The following CCT4 variants were observed in gnomAD, a reference collection of about 807,000 sequenced individuals.
CCT4 encodes chaperonin containing TCP1 subunit 4.
Under a neutral mutation model 62.5 loss-of-function variants are expected in CCT4, and 17 were observed. That is an observed-to-expected ratio of 0.27 (90% confidence interval 0.19 to 0.41). CCT4 has a LOEUF of 0.41. Ranked by LOEUF, CCT4 falls within the 10% of genes least tolerant of loss-of-function variation. CCT4 has a pLI of 1.00. For synonymous variants in CCT4, 250 were observed against 229.9 expected, an observed-to-expected ratio of 1.09 and a Z score of -0.79; for missense variants, 592 against 659.2, an observed-to-expected ratio of 0.90 and a Z score of 1.12.
At position 61,877,438 on chromosome 2, in the gene CCT4, G is replaced by A. The variant is rs1230113885; in HGVS notation, c.599C>T (p.Ala200Val). 11 of 1,611,224 alleles carry A rather than the reference G, an allele frequency of 6.8e-6. No individual in the cohort carries two copies. The highest frequency in any genetic ancestry group is 9.3e-6 in the Non-Finnish European group (11 of 1,178,004). The change falls in exon 6 of 14, where the codon GCC (alanine) becomes GTC (valine). Residue 200 changes from alanine (A) to valine (V), a missense_variant. Ala to Val is a moderately conservative substitution (Grantham distance 64). This residue lies in a region of CCT4 where 522 missense variants were observed against 571.2 expected (regional missense o/e 0.91). Transcript: ENST00000394440. ...AATATCTCTAAGATCTACACTGGTGGCTGTGGCTGGGTCAATCACTTTCAT... is the reference window on the plus strand; with the variant it reads ...AATATCTCTAAGATCTACACTGGTGACTGTGGCTGGGTCAATCACTTTCAT... ...AVMKVIDPAT[A>V]TSVDLRDIKI...
At position 61,869,430 on chromosome 2, in the gene CCT4, A is replaced by T; in HGVS notation, c.1605+10T>A. 1.3e-6 allele frequency: 2 copies of T among 1,527,590 alleles called. No homozygotes were observed. The highest frequency in any genetic ancestry group is 1.8e-6 in the Non-Finnish European group (2 of 1,101,946). The allele number at this position is 1,527,590 out of a possible 1,614,324, so 94.6% of individuals were successfully genotyped here. A position where few individuals can be genotyped will look rare whatever the true frequency, so the allele number is the denominator to read the frequency against. On this transcript the variant is annotated intron_variant, in intron 13 of 13. Transcript: ENST00000394440. The stretch of plus-strand genomic sequence containing the variant: ...CCTCCTAAGAAAATTTGCAACCTGG[A>T]AACACTTACCACATCATCTATTTTC...
At position 61,880,316 on chromosome 2, in the gene CCT4, A is replaced by G. The variant is rs1187927676; in HGVS notation, c.349T>C (p.Leu117=). Residue 117 remains leucine, a synonymous_variant, in exon 4 of 14, where the codon TTA becomes CTA. Transcript: ENST00000394440. ...TGAAGAAGCTTGGTACAAGAATCTA[A>G]GAGGGAGCCAGCAATGATGACTACT... ...TSVVIIAGSL[L]DSCTKLLQKG... 1.4e-5 allele frequency: 23 copies of G among 1,601,458 alleles called. No homozygotes were observed. The highest frequency in any genetic ancestry group is 2.0e-5 in the Non-Finnish European group (23 of 1,174,456).
At chr2:61,869,374 A>G in intron 13 of CCT4, 66 bp downstream of exon 13, 5 of 911,726 alleles carry the variant, frequency 5.5e-6, no homozygotes, top group Non-Finnish European at 8.9e-6. Flanking sequence ...AACAACAACA[A>G]AAAACCTTTA....
intron 4 of CCT4, among the ~76,000 whole-genome samples, chr2:61,879,880 G>A (rs1230297485): frequency 6.6e-6 from 1 of 151,874 alleles, no homozygotes; most frequent in Non-Finnish European, 1.5e-5. Context: ...ACAGGCACGC[G>A]CCACCATGCC....
chr2:61,880,024 G>T (rs1375613576), intron 4 of CCT4, among the ~76,000 whole-genome samples: 1 of 152,038 alleles, frequency 6.6e-6, no homozygotes, highest in Non-Finnish European at 1.5e-5. Flanking sequence ...CACCACGCCC[G>T]GCCTCTACCA....
At chr2:61,876,551 C>T (rs887660934) in intron 7 of CCT4, among the ~76,000 whole-genome samples, 6 of 152,102 alleles carry the variant, frequency 3.9e-5, no homozygotes, top group African/African-American at 9.7e-5. Context: ...AAATTAACAG[C>T]AACAGTGAAA....
At chr2:61,877,201 A>G in intron 6 of CCT4, 149 bp from the exon 7 acceptor site, 2 of 889,232 alleles carry the variant, frequency 2.2e-6, no homozygotes, top group Non-Finnish European at 3.4e-6. Flanking sequence ...TCTTTGATCC[A>G]CTGCTGCCTT....
chr2:61,881,881 A>T (rs199594055), intron 3 of CCT4, among the ~76,000 whole-genome samples: 1 of 151,282 alleles, frequency 6.6e-6, no homozygotes, highest in Non-Finnish European at 1.5e-5. Flanking sequence ...AAAAAAAAAA[A>T]ATTTTTTAAA....
At chr2:61,883,149 C>T (rs982111925) in intron 3 of CCT4, among the ~76,000 whole-genome samples, 6 of 152,076 alleles carry the variant, frequency 3.9e-5, no homozygotes, top group Admixed American at 3.9e-4. Flanking sequence ...TCTGGCCGGG[C>T]GCAGTAGCTC....
chr2:61,877,091 G>C, intron 6 of CCT4, 39 bp from the exon 7 acceptor site: 1 of 1,579,664 alleles, frequency 6.3e-7, no homozygotes, highest in Non-Finnish European at 8.7e-7. Flanking sequence ...AGTTAAGAGG[G>C]AGTGGACATC....
intron 3 of CCT4, among the ~76,000 whole-genome samples, chr2:61,882,418 C>T (rs1280453174): frequency 6.6e-6 from 1 of 152,056 alleles, no homozygotes; most frequent in Admixed American, 6.6e-5. Flanking sequence ...CTTCTGTGGA[C>T]ACATGAACTG....
chr2:61,871,349 G>A (rs770285730), intron 12 of CCT4, among the ~76,000 whole-genome samples: 2 of 151,950 alleles, frequency 1.3e-5, no homozygotes, highest in Non-Finnish European at 2.9e-5. Context: ...ATTAATAATA[G>A]CTTTTATCTG....
At chr2:61,869,878 C>T (rs1458465344) in intron 12 of CCT4, among the ~76,000 whole-genome samples, 11 of 150,672 alleles carry the variant, frequency 7.3e-5, no homozygotes, top group South Asian at 2.1e-4. Context: ...ATGATCTGCC[C>T]GCCTTGGCCT....
At chr2:61,871,438 C>G (rs1405644155) in intron 12 of CCT4, among the ~76,000 whole-genome samples, 1 of 152,124 alleles carries the variant, frequency 6.6e-6, no homozygotes, top group Non-Finnish European at 1.5e-5. Flanking sequence ...CTTGGTCCTT[C>G]TCACCTGTAA....
chr2:61,884,104 T>C (rs1033199527), intron 2 of CCT4, among the ~76,000 whole-genome samples: 5 of 152,102 alleles, frequency 3.3e-5, no homozygotes, highest in Non-Finnish European at 5.9e-5. Flanking sequence ...AGATACAAAG[T>C]TACATCCATA....
At chr2:61,873,877 T>C (rs534078614) in intron 8 of CCT4, among the ~76,000 whole-genome samples, 8 of 152,020 alleles carry the variant, frequency 5.3e-5, no homozygotes, top group South Asian at 2.1e-4. Context: ...ATTTATTTAT[T>C]TTTAATAGAG....
At chr2:61,871,000 A>C (rs1009139507) in intron 12 of CCT4, among the ~76,000 whole-genome samples, 3 of 152,060 alleles carry the variant, frequency 2.0e-5, no homozygotes, top group Non-Finnish European at 4.4e-5. Context: ...TGGCTGGCTC[A>C]ATAATCAGGG....
intron 13 of CCT4, 34 bp downstream of exon 13, chr2:61,869,406 C>A: frequency 8.5e-7 from 1 of 1,172,994 alleles, no homozygotes; most frequent in Admixed American, 1.8e-5. Flanking sequence ...CCTTTTTGAC[C>A]TCCTAAGAAA....
intron 1 of CCT4, among the ~76,000 whole-genome samples, chr2:61,885,557 C>A (rs1222804139): frequency 1.3e-5 from 2 of 151,974 alleles, no homozygotes; most frequent in Non-Finnish European, 2.9e-5. Flanking sequence ...ACTACAGGCA[C>A]GTGCCACCAC....
Sources: gnomAD v4.1 joint callset for allele counts (sites outside exome capture counted in the v4.1 genomes callset) on GRCh38, gnomAD v4.1.1 for gene constraint, gnomAD v4.1.1 regional missense constraint, MANE v1.5 for transcripts, NCBI Gene and HGNC (gene_info 2026-07-23, HGNC 2026-07-21) for gene names.